Variants in PKP1 observed in about 807,000 individuals in gnomAD.
The protein encoded by PKP1 is plakophilin-1.
In PKP1, 27 loss-of-function variants were observed where a neutral mutation model predicts 76.4. That is an observed-to-expected ratio of 0.35 (90% CI 0.26 to 0.49). The LOEUF (loss-of-function observed/expected upper bound fraction) is 0.49. PKP1 is among the 20% of genes least tolerant of loss of function. The pLI is 0.99. For synonymous variants in PKP1, 404 were observed against 384.2 expected (o/e 1.05, Z -0.60); for missense variants, 964 against 955.2 (o/e 1.01, Z -0.12).
At chr1:201,317,212 A>G (rs80280493) in intron 4 of PKP1, among the ~76,000 whole-genome samples, 4,230 of 152,238 alleles carry the variant, frequency 0.028, 79 homozygotes, top group Admixed American at 0.043. Flanking sequence ...ATGCATTTCT[A>G]TGTCTGTGTT....
intron 2 of PKP1, among the ~76,000 whole-genome samples, chr1:201,296,171 G>A (rs1382403799): frequency 3.3e-5 from 5 of 152,214 alleles, no homozygotes; most frequent in African/African-American, 1.2e-4. Flanking sequence ...GAAGAGGGAA[G>A]AACTGAGCAC....
chr1:201,323,387 A>T (rs998274698), intron 9 of PKP1, among the ~76,000 whole-genome samples, 198 bp downstream of exon 9: 1 of 150,362 alleles, frequency 6.7e-6, no homozygotes, highest in Non-Finnish European at 1.5e-5. Context: ...GGGGATGCAG[A>T]GAGGGTGGGC....
Position 201,324,591 on chromosome 1 carries a change from C to T in PKP1, c.1834+10C>T, listed in dbSNP as rs1262408258. The T allele has an allele frequency of 1.9e-6, 3 of 1,613,608 alleles. No individual in the cohort carries two copies. In the African/African-American group the frequency reaches 4.0e-5, roughly 22 times the overall value. On this transcript the variant is annotated intron_variant, in intron 10 of 13. Coordinates refer to ENST00000367324, the MANE Select transcript of PKP1 (RefSeq NM_001005337.3). Reference sequence around the variant, plus strand: ...CTGCACAGAGTGATGGGTAAGGTCCCTCTCTCTCCTCCCCCTCTAGCTAAG... The same window carrying T: ...CTGCACAGAGTGATGGGTAAGGTCCTTCTCTCTCCTCCCCCTCTAGCTAAG...
At chr1:201,305,592 C>T (rs1337670805) in intron 2 of PKP1, among the ~76,000 whole-genome samples, 1 of 152,214 alleles carries the variant, frequency 6.6e-6, no homozygotes, top group Non-Finnish European at 1.5e-5. Flanking sequence ...TTTTCTGGGC[C>T]AGGTAAGCAC....
chr1:201,302,911 G>T (rs2102163170), intron 2 of PKP1, among the ~76,000 whole-genome samples: 1 of 152,356 alleles, frequency 6.6e-6, no homozygotes, highest in Non-Finnish European at 1.5e-5. Context: ...GCATGCTGTG[G>T]TTGGGGAAAC....
chr1:201,289,308 G>C (rs1477879349), intron 1 of PKP1, among the ~76,000 whole-genome samples: 1 of 152,246 alleles, frequency 6.6e-6, no homozygotes, highest in Admixed American at 6.5e-5. Flanking sequence ...AGAGGGTGAA[G>C]TAAAGGCATT....
chr1:201,290,535 T>C (rs1484419007), intron 1 of PKP1, among the ~76,000 whole-genome samples: 1 of 152,160 alleles, frequency 6.6e-6, no homozygotes, highest in Non-Finnish European at 1.5e-5. Flanking sequence ...CCTTGGGTAT[T>C]TGAGAGCTGC....
chr1:201,327,409 G>T (rs1323558307), intron 12 of PKP1, among the ~76,000 whole-genome samples: 1 of 152,200 alleles, frequency 6.6e-6, no homozygotes, highest in Non-Finnish European at 1.5e-5. Context: ...AAATCTGAAG[G>T]TCACAGCAAA....
At chr1:201,327,861 T>G (rs1268828648) in intron 12 of PKP1, among the ~76,000 whole-genome samples, 1 of 152,040 alleles carries the variant, frequency 6.6e-6, no homozygotes, top group Non-Finnish European at 1.5e-5. Flanking sequence ...TTTTGCTGAA[T>G]AGGGAATCAG....
At chr1:201,314,516 G>T (rs1656667893) in intron 3 of PKP1, among the ~76,000 whole-genome samples, 1 of 152,090 alleles carries the variant, frequency 6.6e-6, no homozygotes, top group East Asian at 1.9e-4. Flanking sequence ...GACTTCATGG[G>T]GCTTCATGAT....
chr1:201,284,503 G>A (rs894248254), intron 1 of PKP1, among the ~76,000 whole-genome samples: 1 of 152,226 alleles, frequency 6.6e-6, no homozygotes, highest in Non-Finnish European at 1.5e-5. Flanking sequence ...TGCAGCTCAG[G>A]AGAGGCGCTG....
Position 201,322,123 on chromosome 1 carries a change from A to G in PKP1, c.1493A>G (p.Asp498Gly). ...ACTGGCTGCTTCAGCAACAAGAGCG[A>G]CAAGATGATGGTGAGCACAGCATCA... ...SSTGCFSNKS[D>G]KMMNNNYDCP... The change falls in exon 8 of 14, where the codon GAC becomes GGC. Residue 498 changes from aspartate (D) to glycine (G), a missense_variant. By Grantham distance (94) the Asp-to-Gly change is moderately conservative. Transcript: ENST00000367324. The G allele has an allele frequency of 6.2e-7, 1 of 1,611,300 alleles. No individual in the cohort carries two copies. The highest frequency in any genetic ancestry group is 8.5e-7 in the Non-Finnish European group (1 of 1,179,942).
At chr1:201,305,372 C>G (rs573873201) in intron 2 of PKP1, among the ~76,000 whole-genome samples, 52 of 152,304 alleles carry the variant, frequency 3.4e-4, no homozygotes, top group African/African-American at 1.3e-3. Flanking sequence ...TAAAAATCAG[C>G]TGGGCATGGT....
At chr1:201,301,449 G>A (rs567421465) in intron 2 of PKP1, among the ~76,000 whole-genome samples, 2 of 152,112 alleles carry the variant, frequency 1.3e-5, no homozygotes, top group African/African-American at 4.8e-5. Context: ...TTCATGTTGT[G>A]TAGAGCTCTG....
chr1:201,309,940 G>A (rs368559416), intron 2 of PKP1, among the ~76,000 whole-genome samples: 8 of 152,198 alleles, frequency 5.3e-5, no homozygotes, highest in African/African-American at 1.9e-4. Flanking sequence ...GGCTTCACTC[G>A]AAGTGCCCCA....
chr1:201,316,481 G>A (rs934478616), intron 3 of PKP1, 72 bp from the exon 4 acceptor site: 6 of 1,484,024 alleles, frequency 4.0e-6, no homozygotes, highest in Non-Finnish European at 5.5e-6. Context: ...AGTGTGCTGG[G>A]AGGAATTCTG....
intron 2 of PKP1, among the ~76,000 whole-genome samples, chr1:201,300,524 C>G (rs774491828): frequency 1.3e-5 from 2 of 152,204 alleles, no homozygotes; most frequent in Non-Finnish European, 2.9e-5. Context: ...CAGGGAGGCC[C>G]CTTTAGAGCC....
intron 1 of PKP1, among the ~76,000 whole-genome samples, chr1:201,289,581 C>T (rs1196342843): frequency 6.6e-6 from 1 of 151,998 alleles, no homozygotes; most frequent in Admixed American, 6.6e-5. Flanking sequence ...GAACCTGGGC[C>T]TGGGATTGGG....
intron 7 of PKP1, among the ~76,000 whole-genome samples, chr1:201,321,564 G>A (rs1656939155): frequency 6.6e-6 from 1 of 151,752 alleles, no homozygotes; most frequent in Admixed American, 6.6e-5. Context: ...TTCTGGAGGA[G>A]TTTGTTCTGG....
Sources: gnomAD v4.1 joint callset for allele counts (sites outside exome capture counted in the v4.1 genomes callset) on GRCh38, gnomAD v4.1.1 for gene constraint, MANE v1.5 for transcripts, NCBI Gene and HGNC (gene_info 2026-07-23, HGNC 2026-07-21) for gene names.